SWAP70: variants seen among roughly 807,000 people sequenced by gnomAD.
SWAP70 encodes switch-associated protein 70.
SWAP70 carries 34 observed loss-of-function variants against 80.2 expected under a neutral mutation model. The ratio of observed to expected loss-of-function variants is 0.42; its 90% CI spans 0.32 to 0.56. SWAP70 has a LOEUF of 0.56. Among genes scored for constraint, SWAP70 ranks in the 20% least tolerant of loss-of-function variants. SWAP70 has a pLI of 0.09. For missense variants in SWAP70, 578 were observed against 690.7 expected (o/e 0.84, Z 1.83); for synonymous variants, 239 against 238.5 (o/e 1.00, Z -0.02).
At chr11:9,740,686 T>G (rs534631848) in intron 9 of SWAP70, 18 of 350,992 alleles carry the variant, frequency 5.1e-5, no homozygotes, top group Non-Finnish European at 9.3e-5. Flanking sequence ...TTCAACACGC[T>G]CCAGACCAGA....
chr11:9,713,408 C>T, intron 2 of SWAP70, 58 bp from the exon 3 acceptor site: 1 of 1,514,204 alleles, frequency 6.6e-7, no homozygotes. Context: ...ATTTTACTTG[C>T]CTTAGATACT....
chr11:9,699,386 CT>C (rs973881587), intron 2 of SWAP70, among the ~76,000 whole-genome samples: 3 of 150,732 alleles, frequency 2.0e-5, no homozygotes, highest in East Asian at 3.9e-4. Context: ...CAGTATAATG[CT>C]TTTTTTTTGT....
At chr11:9,707,325 C>T (rs989876612) in intron 2 of SWAP70, among the ~76,000 whole-genome samples, 1 of 152,074 alleles carries the variant, frequency 6.6e-6, no homozygotes, top group African/African-American at 2.4e-5. Context: ...TCCTTTTCCC[C>T]CTGGCCCTGG....
Position 9,750,281 on chromosome 11 carries a change from CAGCGAGCTGA to C in SWAP70, c.*312_*321del, listed in dbSNP as rs1370744532. 94 of 215,530 alleles carry C rather than the reference CAGCGAGCTGA, an allele frequency of 4.4e-4. No individual in the cohort carries two copies. Among genetic ancestry groups the C allele is most frequent in the Admixed American group, 3.1e-3 (61 of 19,868 alleles). The allele number at this position is 215,530 out of a possible 1,614,324, so 13.4% of individuals were successfully genotyped here. On this transcript the variant is annotated 3_prime_UTR_variant, in exon 12 of 12. Transcript: ENST00000318950. ...ACTTGAACGTGGGAGGCGGAGGTTG[CAGCGAGCTGA>C]GATCATGCCGTTGTACTCCAGCTTG...
intron 9 of SWAP70, among the ~76,000 whole-genome samples, chr11:9,743,005 C>T (rs1439635583): frequency 2.7e-5 from 4 of 149,154 alleles, no homozygotes; most frequent in East Asian, 4.0e-4. Context: ...CCCATTAACT[C>T]GTCATTTAGC....
chr11:9,678,235 A>C (rs1435416024), intron 1 of SWAP70, among the ~76,000 whole-genome samples: 1 of 152,168 alleles, frequency 6.6e-6, no homozygotes, highest in African/African-American at 2.4e-5. Flanking sequence ...TGGGGATCAG[A>C]GTCTTGAGTG....
chr11:9,694,102 G>A (rs764049661), intron 1 of SWAP70, 44 bp from the exon 2 acceptor site: 6 of 1,536,804 alleles, frequency 3.9e-6, no homozygotes, highest in African/African-American at 1.4e-5. Flanking sequence ...GGTGTCATGT[G>A]CTGGTTAGTG....
At chr11:9,700,936 A>G (rs1349432286) in intron 2 of SWAP70, among the ~76,000 whole-genome samples, 1 of 151,622 alleles carries the variant, frequency 6.6e-6, no homozygotes, top group African/African-American at 2.4e-5. Context: ...AGTTTTTTTC[A>G]GTTTTTTTCC....
At position 9,741,263 on chromosome 11, in the gene SWAP70, A is replaced by G. The variant is rs541466141; in HGVS notation, c.1355+916A>G. ...GTATATTTTGCCAAAAGTGACTTCA[A>G]AAATAAATAAATTGTTTTGGACATT... On this transcript the variant is annotated intron_variant, in intron 9 of 11. Transcript: ENST00000318950. The G allele has an allele frequency of 2.0e-5, 3 of 152,374 alleles. No individual in the cohort carries two copies. The South Asian group carries it at 6.2e-4, about 32-fold the overall frequency. 9.4% of individuals were successfully genotyped at this position (152,374 alleles called of 1,614,324 possible).
chr11:9,685,456 A>AGT (rs562704461), intron 1 of SWAP70, among the ~76,000 whole-genome samples: 86 of 152,176 alleles, frequency 5.7e-4, no homozygotes, highest in Middle Eastern at 3.4e-3. Flanking sequence ...TAGCAGATTG[A>AGT]GTGTCTGGTG....
intron 2 of SWAP70, chr11:9,703,485 T>A (rs1850860055): frequency 2.2e-6 from 1 of 456,182 alleles, no homozygotes; most frequent in African/African-American, 2.0e-5. Flanking sequence ...CAGCGAATTT[T>A]TGTTGATCCT....
At chr11:9,743,223 A>G (rs1372151808) in intron 9 of SWAP70, among the ~76,000 whole-genome samples, 1 of 147,986 alleles carries the variant, frequency 6.8e-6, no homozygotes, top group Non-Finnish European at 1.5e-5. Context: ...TACAAAGGAC[A>G]TGAACTCATC....
At chr11:9,670,858 A>G (rs1850367549) in intron 1 of SWAP70, among the ~76,000 whole-genome samples, 1 of 151,484 alleles carries the variant, frequency 6.6e-6, no homozygotes, top group Non-Finnish European at 1.5e-5. Flanking sequence ...GGTTCACGCC[A>G]TTCTCCTGCC....
At chr11:9,699,213 G>C (rs181859277) in intron 2 of SWAP70, among the ~76,000 whole-genome samples, 2 of 152,238 alleles carry the variant, frequency 1.3e-5, no homozygotes, top group East Asian at 3.9e-4. Flanking sequence ...TTTTAGGGAT[G>C]ATGAAAATAT....
At chr11:9,675,068 C>T (rs1850471273) in intron 1 of SWAP70, among the ~76,000 whole-genome samples, 1 of 151,988 alleles carries the variant, frequency 6.6e-6, no homozygotes, top group Non-Finnish European at 1.5e-5. Context: ...GAGATTGAGG[C>T]AAATGGATCA....
rs372416125 is a variant in SWAP70 at position 9,748,081 on chromosome 11, T to G, written c.1554+25T>G. The stretch of plus-strand genomic sequence containing the variant: ...GGTAATGAGACTTGGCCCTGCAAAC[T>G]TGTATATTTAAATTTTTGAAAAACA... On this transcript the variant is annotated intron_variant, in intron 10 of 11. Coordinates refer to ENST00000318950, the MANE Select transcript of SWAP70 (RefSeq NM_015055.4). 8.8e-4 allele frequency: 1,410 copies of G among 1,599,044 alleles called. 14 individuals are homozygous for G. The South Asian group carries it at 0.014, about 16-fold the overall frequency.
intron 7 of SWAP70, among the ~76,000 whole-genome samples, chr11:9,737,451 A>G (rs1851377269): frequency 6.6e-6 from 1 of 152,240 alleles, no homozygotes; most frequent in Non-Finnish European, 1.5e-5. Context: ...TTTTTTAACA[A>G]TAATTTTCAC....
intron 4 of SWAP70, among the ~76,000 whole-genome samples, chr11:9,725,937 T>C (rs973365277): frequency 3.3e-5 from 5 of 152,226 alleles, no homozygotes; most frequent in African/African-American, 7.2e-5. Context: ...TGGCATAACG[T>C]TGAGTGAAAA....
At chr11:9,745,041 T>TG (rs1365793097) in intron 9 of SWAP70, among the ~76,000 whole-genome samples, 1 of 152,220 alleles carries the variant, frequency 6.6e-6, no homozygotes, top group African/African-American at 2.4e-5. Context: ...AACTCGTACC[T>TG]GGCACACAGT....
Sources: allele counts gnomAD v4.1 joint callset (sites outside exome capture counted in the v4.1 genomes callset), GRCh38; gene constraint gnomAD v4.1.1; transcripts MANE v1.5; gene names NCBI Gene and HGNC (gene_info 2026-07-23, HGNC 2026-07-21).